Variants in TRIM37 observed in about 807,000 individuals in gnomAD.
TRIM37 encodes E3 ubiquitin-protein ligase TRIM37.
Under a neutral mutation model 129.8 loss-of-function variants are expected in TRIM37, and 80 were observed. The ratio of observed to expected loss-of-function variants is 0.62; its 90% CI spans 0.51 to 0.74. The LOEUF (loss-of-function observed/expected upper bound fraction) is 0.74, where lower values mean the gene tolerates loss of function less well. Among genes scored for constraint, TRIM37 ranks in the 30% least tolerant of loss-of-function variants. TRIM37 has a pLI of 0.00. For missense variants in TRIM37, 1,054 were observed against 1,176.5 expected (o/e 0.90, Z 1.52); for synonymous variants, 389 against 387.1 (o/e 1.00, Z -0.06).
chr17:59,057,868 T>C (rs1406179912), intron 12 of TRIM37, among the ~76,000 whole-genome samples: 1 of 152,046 alleles, frequency 6.6e-6, no homozygotes, highest in Non-Finnish European at 1.5e-5. Flanking sequence ...TGAATGGCAA[T>C]AGGTCCTTTT....
At chr17:59,044,538 G>A (rs900620221) in intron 16 of TRIM37, among the ~76,000 whole-genome samples, 11 of 152,024 alleles carry the variant, frequency 7.2e-5, no homozygotes, top group Non-Finnish European at 1.6e-4. Context: ...CTCCAGCCTG[G>A]GCGACAAGAG....
intron 24 of TRIM37, among the ~76,000 whole-genome samples, chr17:58,989,591 G>C (rs2032156836): frequency 6.6e-6 from 1 of 152,088 alleles, no homozygotes; most frequent in African/African-American, 2.4e-5. Flanking sequence ...GATGATGAAT[G>C]CCTTCAGTTG....
intron 12 of TRIM37, among the ~76,000 whole-genome samples, chr17:59,057,293 G>C (rs543853569): frequency 1.4e-4 from 21 of 152,250 alleles, no homozygotes; most frequent in African/African-American, 4.8e-4. Context: ...TCAGCTCACT[G>C]CATCCTCTGA....
chr17:59,001,485 G>T, intron 23 of TRIM37, 113 bp downstream of exon 23: 50 of 1,219,662 alleles, frequency 4.1e-5, no homozygotes, highest in Middle Eastern at 2.8e-4. Flanking sequence ...AGAAGCAGAA[G>T]AAGCAAAAGC....
At position 59,047,756 on chromosome 17, in the gene TRIM37, C is replaced by T. The variant is rs1229223424; in HGVS notation, c.1594G>A (p.Asp532Asn). Residue 532 changes from aspartate to asparagine, a missense_variant, in exon 16 of 24, where the codon GAT (aspartate) becomes AAT (asparagine). Asp to Asn is a conservative substitution (Grantham distance 23). Around this residue, in one of 3 missense-constraint regions of TRIM37, gnomAD observed 752 missense variants for 870.8 expected, o/e 0.86. Coordinates refer to ENST00000262294, the MANE Select transcript of TRIM37 (RefSeq NM_015294.6). ...GAACTAGCAGAGGAACTGCTGCCAT[C>T]GAGCTGATTTACTTCATCCTCATAA... The part of the protein sequence containing the change: ...LVYEDEVNQL[D>N]GSSSSASSTA... 4.3e-6 allele frequency: 7 copies of T among 1,613,962 alleles called. No homozygotes were observed. The highest frequency in any genetic ancestry group is 3.3e-5 in the South Asian group (3 of 91,072).
At position 59,012,455 on chromosome 17, in the gene TRIM37, A is replaced by G. The variant is rs747408952; in HGVS notation, c.2577-9T>C. 1.3e-5 allele frequency: 20 copies of G among 1,544,420 alleles called. No homozygotes were observed. The South Asian group carries it at 1.8e-4, about 14-fold the overall frequency. ...CTCCTTTAGCATTAGCCCTCAAAGA[A>G]GAAAACAACTTGATATTTCTCTATA... On this transcript the variant is annotated splice_polypyrimidine_tract_variant and intron_variant, in intron 21 of 23. Transcript: ENST00000262294.
intron 9 of TRIM37, among the ~76,000 whole-genome samples, chr17:59,069,706 T>C (rs891398533): frequency 2.6e-5 from 4 of 152,196 alleles, no homozygotes; most frequent in African/African-American, 9.6e-5. Context: ...CAAATTCCCA[T>C]GTTAAAGCCC....
chr17:58,987,094 C>A (rs1188048234), intron 24 of TRIM37, among the ~76,000 whole-genome samples: 1 of 152,094 alleles, frequency 6.6e-6, no homozygotes, highest in African/African-American at 2.4e-5. Flanking sequence ...CAAACAAGGG[C>A]CCTCACACAC....
chr17:59,013,636 A>C lies in TRIM37; in HGVS notation c.2577-1190T>G, dbSNP rs138663693. ...GGGAGTTAAGGATGGGAAATTTTTC[A>C]CTTATTCTTTTCTCCTTTCATTTTG... On this transcript the variant is annotated intron_variant, in intron 21 of 23. Coordinates refer to ENST00000262294, the MANE Select transcript of TRIM37 (RefSeq NM_015294.6). 5.3e-5 allele frequency among the ~76,000 whole-genome samples: 8 copies of C among 152,240 alleles called. No individual in the cohort carries two copies. The South Asian group carries it at 1.7e-3, about 32-fold the overall frequency.
intron 22 of TRIM37, among the ~76,000 whole-genome samples, chr17:59,006,635 T>A (rs1248428736): frequency 2.0e-5 from 3 of 152,088 alleles, no homozygotes. Context: ...ATGCCTATAA[T>A]CCCAGCACTT....
intron 2 of TRIM37, among the ~76,000 whole-genome samples, chr17:59,101,051 C>G (rs1367174747): frequency 1.4e-5 from 2 of 144,924 alleles, no homozygotes; most frequent in Non-Finnish European, 3.1e-5. Flanking sequence ...ACAAAACAAA[C>G]AAAAAAACTG....
chr17:59,015,474 G>T, intron 21 of TRIM37, 136 bp downstream of exon 21: 1 of 918,876 alleles, frequency 1.1e-6, no homozygotes, highest in East Asian at 2.4e-5. Flanking sequence ...TTAAAATTTA[G>T]TGCAATAAAT....
At chr17:59,005,505 G>A (rs535118332) in intron 22 of TRIM37, among the ~76,000 whole-genome samples, 4 of 152,156 alleles carry the variant, frequency 2.6e-5, no homozygotes, top group Non-Finnish European at 2.9e-5. Flanking sequence ...AGCTGGTCTC[G>A]AACTCCTGAC....
intron 7 of TRIM37, among the ~76,000 whole-genome samples, chr17:59,076,989 T>C (rs2042863578): frequency 6.6e-6 from 1 of 152,102 alleles, no homozygotes; most frequent in South Asian, 2.1e-4. Flanking sequence ...GGTTTCTCCA[T>C]GTTGGTCAGG....
chr17:59,059,420 G>C (rs2041270411), intron 12 of TRIM37: 1 of 152,260 alleles, frequency 6.6e-6, no homozygotes, highest in Non-Finnish European at 1.5e-5. Context: ...CTGTCATTCA[G>C]GCTGGAGTGC....
intron 18 of TRIM37, among the ~76,000 whole-genome samples, chr17:59,029,764 C>G (rs2037636368): frequency 6.6e-6 from 1 of 152,054 alleles, no homozygotes; most frequent in Non-Finnish European, 1.5e-5. Context: ...CCAGCCTGGG[C>G]AACAGAGTGA....
At chr17:59,012,498 C>T in intron 21 of TRIM37, 52 bp from the exon 22 acceptor site, 2 of 1,252,274 alleles carry the variant, frequency 1.6e-6, no homozygotes, top group Non-Finnish European at 2.3e-6. Context: ...ACACAATAAT[C>T]TATATTTTCT....
intron 2 of TRIM37, among the ~76,000 whole-genome samples, chr17:59,098,210 CA>C (rs2045093960): frequency 6.6e-6 from 1 of 152,048 alleles, no homozygotes; most frequent in African/African-American, 2.4e-5. Context: ...TAGTGGTTAA[CA>C]GGGGCTAGGG....
chr17:59,087,082 A>G (rs1224753946), intron 4 of TRIM37, among the ~76,000 whole-genome samples: 1 of 152,076 alleles, frequency 6.6e-6, no homozygotes, highest in Non-Finnish European at 1.5e-5. Flanking sequence ...AAACTTGAAT[A>G]GCAGGTTTTT....
Sources: allele counts gnomAD v4.1 joint callset (sites outside exome capture counted in the v4.1 genomes callset), GRCh38; gene constraint gnomAD v4.1.1; regional missense constraint gnomAD v4.1.1; transcripts MANE v1.5; gene names NCBI Gene and HGNC (gene_info 2026-07-23, HGNC 2026-07-21).